Variants in NAV3 observed in about 807,000 individuals in gnomAD.
NAV3 encodes the protein neuron navigator 3.
Under a neutral mutation model 244.7 loss-of-function variants are expected in NAV3, and 87 were observed. That is an observed-to-expected ratio of 0.36 (90% CI 0.30 to 0.42). The LOEUF is 0.42. Among genes scored for constraint, NAV3 ranks in the 20% least tolerant of loss-of-function variants. The pLI, the probability that NAV3 is intolerant of heterozygous loss-of-function variation, is 1.00. For synonymous variants in NAV3, 1,126 were observed against 1,042.2 expected (o/e 1.08, Z -1.55); for missense variants, 2,663 against 2,893.3 (o/e 0.92, Z 1.83).
intron 2 of NAV3, among the ~76,000 whole-genome samples, chr12:77,712,505 A>G (rs1310892251): frequency 6.6e-6 from 1 of 152,166 alleles, no homozygotes; most frequent in African/African-American, 2.4e-5. Context: ...TATTTGGGGT[A>G]AAAAAGTGGA....
chr12:77,822,736 T>C (rs905310939), intron 2 of NAV3, among the ~76,000 whole-genome samples: 2 of 152,208 alleles, frequency 1.3e-5, no homozygotes, highest in African/African-American at 4.8e-5. Flanking sequence ...AGACAATCTA[T>C]TCAAATCATT....
intron 2 of NAV3, among the ~76,000 whole-genome samples, chr12:77,711,177 T>C (rs1002942321): frequency 2.0e-5 from 3 of 152,216 alleles, no homozygotes; most frequent in Non-Finnish European, 4.4e-5. Flanking sequence ...CCCACTTAGA[T>C]TTTCCCAATG....
intron 12 of NAV3, among the ~76,000 whole-genome samples, chr12:78,076,888 C>A (rs911726775): frequency 2.0e-5 from 3 of 151,924 alleles, no homozygotes; most frequent in Non-Finnish European, 2.9e-5. Flanking sequence ...ATATTTTGAC[C>A]AAGATATTAA....
chr12:78,054,294 T>A (rs1202074769), intron 11 of NAV3, among the ~76,000 whole-genome samples: 1 of 152,250 alleles, frequency 6.6e-6, no homozygotes, highest in Non-Finnish European at 1.5e-5. Context: ...GGACAGTGGA[T>A]TAGATGATAT....
chr12:78,070,900 G>T (rs1593464212), intron 12 of NAV3, among the ~76,000 whole-genome samples: 2 of 147,304 alleles, frequency 1.4e-5, no homozygotes. Context: ...TTTTATGGCT[G>T]CATAGTATTC....
intron 3 of NAV3, chr12:77,947,685 A>G (rs949174741): frequency 6.6e-6 from 1 of 152,008 alleles, no homozygotes; most frequent in African/African-American, 2.4e-5. Context: ...TCTATAAAGA[A>G]ATACTAAATG....
chr12:77,660,130 A>T (rs1194700132), intron 2 of NAV3, among the ~76,000 whole-genome samples: 1 of 152,108 alleles, frequency 6.6e-6, no homozygotes, highest in African/African-American at 2.4e-5. Flanking sequence ...AAAAAAGAAT[A>T]TGAGATAGTC....
At chr12:77,659,519 A>C (rs1873321397) in intron 2 of NAV3, among the ~76,000 whole-genome samples, 1 of 152,214 alleles carries the variant, frequency 6.6e-6, no homozygotes, top group African/African-American at 2.4e-5. Flanking sequence ...TTGGGACTGT[A>C]AACTAGTTCA....
intron 22 of NAV3, among the ~76,000 whole-genome samples, chr12:78,156,170 G>A (rs1957297081): frequency 6.6e-6 from 1 of 151,980 alleles, no homozygotes; most frequent in South Asian, 2.1e-4. Context: ...GTTAATTTTT[G>A]TATAAGGTAT....
chr12:77,959,307 G>A (rs1479826361), intron 3 of NAV3, among the ~76,000 whole-genome samples: 2 of 151,946 alleles, frequency 1.3e-5, no homozygotes, highest in Non-Finnish European at 2.9e-5. Context: ...TAATTCTTAA[G>A]TGTAGTAGAG....
At chr12:77,925,689 C>T (rs927619266) in intron 1 of NAV3, among the ~76,000 whole-genome samples, 28 of 152,066 alleles carry the variant, frequency 1.8e-4, no homozygotes, top group African/African-American at 6.8e-4. Flanking sequence ...GATGGTCTTG[C>T]AGGTATGTGG....
intron 20 of NAV3, among the ~76,000 whole-genome samples, chr12:78,145,794 A>G (rs1397654860): frequency 6.6e-6 from 1 of 152,184 alleles, no homozygotes; most frequent in Non-Finnish European, 1.5e-5. Flanking sequence ...TGTGATAATT[A>G]AAATTATTAA....
chr12:77,979,272 G>A (rs1040587452), intron 5 of NAV3, among the ~76,000 whole-genome samples: 2 of 150,646 alleles, frequency 1.3e-5, no homozygotes, highest in African/African-American at 4.9e-5. Context: ...TGTGCCTGCT[G>A]TCCTGGTTAC....
intron 3 of NAV3, among the ~76,000 whole-genome samples, chr12:77,949,640 A>G (rs1004336996): frequency 6.6e-6 from 1 of 151,930 alleles, no homozygotes; most frequent in African/African-American, 2.4e-5. Context: ...CTCCCCCAAT[A>G]TCATCATCAC....
At chr12:78,074,405 T>C (rs908423104) in intron 12 of NAV3, among the ~76,000 whole-genome samples, 1 of 151,996 alleles carries the variant, frequency 6.6e-6, no homozygotes, top group Non-Finnish European at 1.5e-5. Context: ...GGAGGATAAA[T>C]AAAAGACATG....
intron 5 of NAV3, among the ~76,000 whole-genome samples, chr12:77,985,337 A>G (rs1417938976): frequency 2.0e-5 from 3 of 152,228 alleles, no homozygotes; most frequent in Non-Finnish European, 4.4e-5. Context: ...TAACGAGAAC[A>G]CTGAACTAAG....
At chr12:77,795,751 A>T (rs1434080430) in intron 2 of NAV3, among the ~76,000 whole-genome samples, 1 of 152,176 alleles carries the variant, frequency 6.6e-6, no homozygotes, top group Non-Finnish European at 1.5e-5. Context: ...GTCAATGCTC[A>T]TTGACCATTC....
intron 2 of NAV3, among the ~76,000 whole-genome samples, chr12:77,811,765 A>T (rs374433064): frequency 1.3e-5 from 2 of 152,236 alleles, no homozygotes; most frequent in African/African-American, 4.8e-5. Flanking sequence ...AAAGAAGTGG[A>T]TAGGTGGAAA....
chr12:77,836,337 C>T (rs1415045866), intron 1 of NAV3, among the ~76,000 whole-genome samples: 2 of 152,158 alleles, frequency 1.3e-5, no homozygotes, highest in East Asian at 3.9e-4. Flanking sequence ...GGTCTGCCAC[C>T]TTTCTTTTAC....
Sources: gnomAD v4.1 joint callset for allele counts (sites outside exome capture counted in the v4.1 genomes callset) on GRCh38, gnomAD v4.1.1 for gene constraint, MANE v1.5 for transcripts, NCBI Gene and HGNC (gene_info 2026-07-23, HGNC 2026-07-21) for gene names.